The following PTPRH variants were observed in gnomAD, a reference collection of about 807,000 sequenced individuals.
PTPRH encodes protein tyrosine phosphatase receptor type H.
Under a neutral mutation model 130.2 loss-of-function variants are expected in PTPRH, and 113 were observed. The observed-to-expected ratio is 0.87, with a 90% CI of 0.75 to 1.01. The LOEUF is 1.01. PTPRH is among the 50% of genes least tolerant of loss of function. The probability of loss-of-function intolerance (pLI) is 0.00; values close to 1 mark genes in which losing one functional copy is unlikely to be tolerated. For synonymous variants in PTPRH, 556 were observed against 577.9 expected (o/e 0.96, Z 0.54); for missense variants, 1,430 against 1,425.0 (o/e 1.00, Z -0.06).
intron 8 of PTPRH, among the ~76,000 whole-genome samples, chr19:55,198,115 G>T (rs2086743406): frequency 6.6e-6 from 1 of 152,184 alleles, no homozygotes; most frequent in Middle Eastern, 3.2e-3. Context: ...TACTCAGGAG[G>T]CTGAGGTGGG....
At chr19:55,189,558 G>T (rs1212850334) in intron 12 of PTPRH, among the ~76,000 whole-genome samples, 1 of 152,120 alleles carries the variant, frequency 6.6e-6, no homozygotes, top group Non-Finnish European at 1.5e-5. Context: ...GGCCCTCCAC[G>T]CGCCCATCCC....
At chr19:55,201,807 G>T (rs1351845018) in intron 6 of PTPRH, among the ~76,000 whole-genome samples, 3 of 152,206 alleles carry the variant, frequency 2.0e-5, no homozygotes, top group Non-Finnish European at 2.9e-5. Context: ...GTGCAGGAAG[G>T]TGCCCCTTGG....
At position 55,198,817 on chromosome 19, in the gene PTPRH, A is replaced by G. The variant is rs1231584410; in HGVS notation, c.1516T>C (p.Tyr506His). 3 of 1,609,618 alleles carry G rather than the reference A, an allele frequency of 1.9e-6. No individual in the cohort carries two copies. The highest frequency in any genetic ancestry group is 2.5e-6 in the Non-Finnish European group (3 of 1,177,494). The change falls in exon 8 of 20, where the codon TAC (tyrosine) becomes CAC (histidine). Residue 506 changes from tyrosine (Y) to histidine (H), a missense_variant. Coordinates refer to ENST00000376350, the MANE Select transcript of PTPRH (RefSeq NM_002842.5). ...TAPQGPGQSS[Y>H]SYWVSWVREG... The stretch of plus-strand genomic sequence containing the variant: ...CTGACCCATGAGACCCAGTAGCTGT[A>G]GGAAGACTGGCCTGGGCCCTGGGGA...
chr19:55,188,014 G>T (rs1218936461), intron 13 of PTPRH, 64 bp downstream of exon 13: 3 of 1,029,286 alleles, frequency 2.9e-6, no homozygotes, highest in East Asian at 4.5e-5. Context: ...TGGCCAGGGG[G>T]TGGGGGGTGG....
Position 55,203,942 on chromosome 19 carries a change from G to C in PTPRH, c.726C>G (p.Cys242Trp), listed in dbSNP as rs771557443. The C allele has an allele frequency of 1.6e-5, 26 of 1,614,050 alleles. No individual in the cohort carries two copies. The highest frequency in any genetic ancestry group is 6.7e-5 in the Admixed American group (4 of 59,998). ...DGTDPQNSTY[C>W]VQCTGDGGRT... is the part of the protein sequence containing the mutation. ...TGCCACCATCTCCAGTGCACTGAAC[G>C]CAGTAGGTCGAGTTCTGTGGGTCTG... Residue 242 changes from cysteine (C) to tryptophan (W), a missense_variant, in exon 5 of 20, where the codon TGC (cysteine) becomes TGG (tryptophan). Physicochemically the swap from Cys to Trp is radical, Grantham distance 215 (BLOSUM62 -2). Coordinates refer to ENST00000376350, the MANE Select transcript of PTPRH (RefSeq NM_002842.5).
At chr19:55,187,261 C>G (rs1202941682) in intron 14 of PTPRH, among the ~76,000 whole-genome samples, 1 of 132,072 alleles carries the variant, frequency 7.6e-6, no homozygotes. Context: ...AGGAGAATGG[C>G]GTGAACCCGG....
Position 55,197,355 on chromosome 19 carries a change from C to T in PTPRH, c.1752G>A (p.Trp584Ter), listed in dbSNP as rs1568912289. 3 of 1,614,192 alleles carry T rather than the reference C, an allele frequency of 1.9e-6. No individual in the cohort carries two copies. Among genetic ancestry groups the T allele is most frequent in the Non-Finnish European group, 1.7e-6 (2 of 1,180,018 alleles). ...AGTGGGGGTCTCCAGGGGCCTTCCACCACAGCATGACTGAGTTCTTAGTCT... is the reference window on the plus strand; with the variant it reads ...AGTGGGGGTCTCCAGGGGCCTTCCATCACAGCATGACTGAGTTCTTAGTCT... ...ETQTKNSVML[W>*]WKAPGDPHSQ... is the part of the protein sequence containing the mutation. The change falls in exon 9 of 20, where the codon TGG (tryptophan) becomes TGA (stop). Residue 584 changes from tryptophan to a stop codon, truncating the protein, a stop_gained. Coordinates refer to ENST00000376350, the MANE Select transcript of PTPRH (RefSeq NM_002842.5). LOFTEE classifies it high-confidence loss of function.
chr19:55,189,717 A>C, intron 12 of PTPRH: 1 of 456,032 alleles, frequency 2.2e-6, no homozygotes, highest in Non-Finnish European at 4.4e-6. Context: ...GCAGCGGCTC[A>C]CGCCTGTGAT....
At position 55,197,230 on chromosome 19, in the gene PTPRH, T is replaced by C. The variant is rs1356660651; in HGVS notation, c.1877A>G (p.Asn626Ser). 6.2e-7 allele frequency: 1 copy of C among 1,614,254 alleles called. No homozygotes were observed. The highest frequency in any genetic ancestry group is 1.3e-5 in the African/African-American group (1 of 75,070). ...GGCCTCCACTTTGTACCACGTCTCA[T>C]TGGTCCTGCTGGTCTGGTTGACCCA... is the stretch of plus-strand genomic sequence containing the variant. ...ANWVNQTSRT[N>S]ETWYKVEALE... Residue 626 changes from asparagine (N) to serine (S), a missense_variant, in exon 9 of 20, where the codon AAT becomes AGT. Asn to Ser is a conservative substitution (Grantham distance 46). Transcript: ENST00000376350.
At chr19:55,198,002 C>T (rs2086739527) in intron 8 of PTPRH, among the ~76,000 whole-genome samples, 1 of 152,072 alleles carries the variant, frequency 6.6e-6, no homozygotes, top group Non-Finnish European at 1.5e-5. Context: ...CACTTGAGCC[C>T]AAGAATTCGA....
rs201726593 is a variant in PTPRH, at chr19:55,197,317, A to G, written c.1790T>C (p.Val597Ala). The G allele has an allele frequency of 2.5e-6, 4 of 1,614,218 alleles. No individual in the cohort carries two copies. Among genetic ancestry groups the G allele is most frequent in the East Asian group, 2.2e-5 (1 of 44,886 alleles). Residue 597 changes from valine to alanine, a missense_variant, in exon 9 of 20, where the codon GTA (valine) becomes GCA (alanine). Val to Ala is a moderately conservative substitution (Grantham distance 64). Coordinates refer to ENST00000376350, the MANE Select transcript of PTPRH (RefSeq NM_002842.5). ...CTTGCTGGCCCACTGGACCCAGTAT[A>G]CGTACAACTGAGAGTGGGGGTCTCC... ...APGDPHSQLY[V>A]YWVQWASKGH...
At position 55,202,119 on chromosome 19, in the gene PTPRH, A is replaced by T; in HGVS notation, c.1090T>A (p.Phe364Ile). The change falls in exon 6 of 20, where the codon TTT becomes ATT. Residue 364 changes from phenylalanine (F) to isoleucine (I), a missense_variant. Coordinates refer to ENST00000376350, the MANE Select transcript of PTPRH (RefSeq NM_002842.5). Reference sequence around the variant, plus strand: ...CCATTCTTCCCCACCCACACGGAAAACACATACAAACACCCGGGTTCAAGT... The same window carrying T: ...CCATTCTTCCCCACCCACACGGAAATCACATACAAACACCCGGGTTCAAGT... ...DRLEPGCLYV[F>I]SVWVGKNGIN... 6.2e-7 allele frequency: 1 copy of T among 1,614,128 alleles called. No individual in the cohort carries two copies. The highest frequency in any genetic ancestry group is 8.5e-7 in the Non-Finnish European group (1 of 1,180,026).
chr19:55,190,568 CAT>C (rs766266983), intron 12 of PTPRH, among the ~76,000 whole-genome samples: 15,033 of 128,540 alleles, frequency 0.12, 892 homozygotes, highest in Middle Eastern at 0.2. Context: ...ATATATATAA[CAT>C]ATAATATATT....
intron 7 of PTPRH, 85 bp downstream of exon 7, chr19:55,200,151 G>C (rs2086811959): frequency 2.0e-6 from 3 of 1,479,676 alleles, no homozygotes; most frequent in Non-Finnish European, 2.8e-6. Flanking sequence ...GGACTACAGA[G>C]CCAGAGCCCA....
chr19:55,192,274 C>T (rs1600017493), intron 10 of PTPRH, among the ~76,000 whole-genome samples: 2 of 151,626 alleles, frequency 1.3e-5, no homozygotes, highest in Admixed American at 6.6e-5. Flanking sequence ...TGGTGGTGGG[C>T]GCCTGTAGTC....
intron 10 of PTPRH, 73 bp from the exon 11 acceptor site, chr19:55,191,814 C>T (rs557771478): frequency 1.5e-6 from 2 of 1,312,862 alleles, no homozygotes; most frequent in African/African-American, 1.5e-5. Context: ...CCCTGCCCAG[C>T]CTTTCCTCTT....
At chr19:55,202,014 T>C in intron 6 of PTPRH, 42 bp downstream of exon 6, 3 of 1,606,368 alleles carry the variant, frequency 1.9e-6, no homozygotes, top group Non-Finnish European at 2.6e-6. Flanking sequence ...TTACTGTCCC[T>C]TAAACAAATA....
At chr19:55,182,298 G>T (rs3760871) in intron 18 of PTPRH, 147 bp from the exon 19 acceptor site, 1 of 983,632 alleles carries the variant, frequency 1.0e-6, no homozygotes, top group South Asian at 1.8e-5. Context: ...GGCTGAGGCC[G>T]GTGGATCACC....
chr19:55,202,361 C>T, intron 5 of PTPRH, 39 bp from the exon 6 acceptor site: 1 of 1,608,674 alleles, frequency 6.2e-7, no homozygotes, highest in Non-Finnish European at 8.5e-7. Flanking sequence ...GTTGTAGTTT[C>T]TGGCCCTCAA....
Sources: gnomAD v4.1 joint callset for allele counts (sites outside exome capture counted in the v4.1 genomes callset) on GRCh38, gnomAD v4.1.1 for gene constraint, MANE v1.5 for transcripts, NCBI Gene and HGNC (gene_info 2026-07-23, HGNC 2026-07-21) for gene names.